PSMG2: variants seen among roughly 807,000 people sequenced by gnomAD.
PSMG2 encodes the protein CD40 ligand-activated specific transcript 3.
A neutral mutation model predicts 31.5 loss-of-function variants in PSMG2; 21 were observed. The observed-to-expected ratio is 0.67, with a 90% CI of 0.47 to 0.96. PSMG2 has a LOEUF of 0.96. Ranked by LOEUF, PSMG2 falls within the 40% of genes least tolerant of loss-of-function variation. PSMG2 has a pLI of 0.00. For missense variants in PSMG2, 318 were observed against 321.2 expected, an observed-to-expected ratio of 0.99 and a Z score of 0.08; for synonymous variants, 120 against 110.4, an observed-to-expected ratio of 1.09 and a Z score of -0.54.
chr18:12,672,493 G>C (rs1318281932), intron 1 of PSMG2: 2 of 194,136 alleles, frequency 1.0e-5, no homozygotes, highest in Non-Finnish European at 1.9e-5. Context: ...GTTTTCAGTG[G>C]TCTCACACAA....
Position 12,712,695 on chromosome 18 carries a change from T to C in PSMG2, c.230-7T>C. 1 of 1,587,976 alleles carries C rather than the reference T, an allele frequency of 6.3e-7. No homozygotes were observed. The highest frequency in any genetic ancestry group is 8.6e-7 in the Non-Finnish European group (1 of 1,160,106). ...CATATGATTTCATTTTCTTCTTGTT[T>C]TTATAGTGTATTCATTGCCTTCAAG... is the stretch of plus-strand genomic sequence containing the variant. On this transcript the variant is annotated splice_region_variant and splice_polypyrimidine_tract_variant and intron_variant, in intron 2 of 6. Coordinates refer to ENST00000317615, the MANE Select transcript of PSMG2 (RefSeq NM_020232.5).
At chr18:12,686,935 G>A (rs1568021758) in intron 1 of PSMG2, among the ~76,000 whole-genome samples, 1 of 152,086 alleles carries the variant, frequency 6.6e-6, no homozygotes, top group South Asian at 2.1e-4. Flanking sequence ...AGATCCACAG[G>A]AAACAATAAT....
chr18:12,716,434 C>T (rs113939419), intron 3 of PSMG2, among the ~76,000 whole-genome samples: 1 of 140,430 alleles, frequency 7.1e-6, no homozygotes, highest in African/African-American at 2.7e-5. Flanking sequence ...CGCCCTGTTG[C>T]GCAGGCTGGA....
chr18:12,695,460 G>A, intron 1 of PSMG2: 1 of 473,218 alleles, frequency 2.1e-6, no homozygotes, highest in South Asian at 4.5e-5. Flanking sequence ...TCACTTACAT[G>A]GAATAAAGAT....
intron 1 of PSMG2, among the ~76,000 whole-genome samples, chr18:12,673,824 T>G (rs1019372506): frequency 2.0e-5 from 3 of 152,144 alleles, no homozygotes; most frequent in African/African-American, 7.2e-5. Flanking sequence ...GAGGTTGCAG[T>G]GAGCCAAGAA....
upstream of PSMG2, chr18:12,702,352 A>G: frequency 2.9e-6 from 2 of 678,324 alleles, no homozygotes; most frequent in South Asian, 3.2e-5. Context: ...AGCTCTGCCT[A>G]CTCTGCGTTG....
At chr18:12,660,744 C>G (rs2038680917) in intron 1 of PSMG2, among the ~76,000 whole-genome samples, 1 of 151,794 alleles carries the variant, frequency 6.6e-6, no homozygotes, top group Non-Finnish European at 1.5e-5. Context: ...CAGTTATATC[C>G]AACAGAAGGG....
At chr18:12,672,720 C>A in intron 1 of PSMG2, 1 of 970,196 alleles carries the variant, frequency 1.0e-6, no homozygotes, top group Non-Finnish European at 1.2e-6. Context: ...TACAACAAAT[C>A]ACAGTGATAA....
At chr18:12,725,411 A>T (rs2040466900) in intron 6 of PSMG2, 28 bp from the exon 7 acceptor site, 2 of 1,496,658 alleles carry the variant, frequency 1.3e-6, no homozygotes, top group Non-Finnish European at 1.8e-6. Context: ...AAGTTTAAAG[A>T]TTAAAATATT....
intron 1 of PSMG2, chr18:12,686,081 T>C: frequency 2.0e-6 from 1 of 491,654 alleles, no homozygotes. Context: ...TTTATTATTG[T>C]AATTTTTTAC....
chr18:12,689,993 T>A (rs372195095), intron 1 of PSMG2, among the ~76,000 whole-genome samples: 1 of 152,238 alleles, frequency 6.6e-6, no homozygotes, highest in African/African-American at 2.4e-5. Context: ...TTCGCCATGT[T>A]GGCCAGGCTG....
At chr18:12,695,297 G>A (rs1225734730) in intron 1 of PSMG2, 1 of 1,570,750 alleles carries the variant, frequency 6.4e-7, no homozygotes, top group African/African-American at 1.4e-5. Context: ...ATTGAGTGGT[G>A]GATACATTTC....
intron 3 of PSMG2, among the ~76,000 whole-genome samples, chr18:12,713,134 C>T (rs2040346804): frequency 6.6e-6 from 1 of 152,098 alleles, no homozygotes; most frequent in Non-Finnish European, 1.5e-5. Flanking sequence ...GACTTCTTTC[C>T]TCCTCCACTG....
upstream of PSMG2, chr18:12,702,643 G>A (rs982045549): frequency 5.6e-5 from 77 of 1,378,852 alleles, no homozygotes; most frequent in Non-Finnish European, 7.3e-5. Flanking sequence ...AGCGACTGGA[G>A]CACAAAGCGC....
chr18:12,690,522 C>A (rs2039715872), intron 1 of PSMG2, among the ~76,000 whole-genome samples: 1 of 151,552 alleles, frequency 6.6e-6, no homozygotes, highest in African/African-American at 2.4e-5. Context: ...GTGGTGCGAT[C>A]TCGGCTCACT....
At chr18:12,699,880 G>A (rs562451191), upstream of PSMG2, 64 of 1,597,648 alleles carry the variant, frequency 4.0e-5, no homozygotes, top group South Asian at 7.1e-4. Context: ...TTTTGGAGAG[G>A]AAGGGAGTTC....
chr18:12,671,506 C>G (rs1216781131), intron 1 of PSMG2, among the ~76,000 whole-genome samples: 6 of 150,900 alleles, frequency 4.0e-5, no homozygotes, highest in Non-Finnish European at 8.9e-5. Context: ...GCAATCAAAC[C>G]CCTCATATCA....
At chr18:12,670,220 C>T (rs2038908533) in intron 1 of PSMG2, among the ~76,000 whole-genome samples, 1 of 151,794 alleles carries the variant, frequency 6.6e-6, no homozygotes, top group African/African-American at 2.4e-5. Context: ...GTCCCAGCTA[C>T]TTGGGAGGCT....
chr18:12,701,474 C>T (rs1422693860), upstream of PSMG2, among the ~76,000 whole-genome samples: 2 of 152,246 alleles, frequency 1.3e-5, no homozygotes, highest in African/African-American at 2.4e-5. Context: ...CAGCTTTCAA[C>T]TTAGTAGATG....
Sources: allele counts gnomAD v4.1 joint callset (sites outside exome capture counted in the v4.1 genomes callset), GRCh38; gene constraint gnomAD v4.1.1; transcripts MANE v1.5; gene names NCBI Gene and HGNC (gene_info 2026-07-23, HGNC 2026-07-21).